Variants in CACNB4 observed in about 807,000 individuals in gnomAD.
CACNB4 encodes calcium voltage-gated channel auxiliary subunit beta 4.
In CACNB4, 32 loss-of-function variants were observed where a neutral mutation model predicts 71.2. The ratio of observed to expected loss-of-function variants is 0.45; its 90% CI spans 0.34 to 0.60. The LOEUF (loss-of-function observed/expected upper bound fraction) is 0.60. Among genes scored for constraint, CACNB4 ranks in the 20% least tolerant of loss-of-function variants. CACNB4 has a pLI of 0.01. For synonymous variants in CACNB4, 231 were observed against 236.9 expected, an observed-to-expected ratio of 0.97 and a Z score of 0.23; for missense variants, 464 against 647.9, an observed-to-expected ratio of 0.72 and a Z score of 3.08.
chr2:151,923,935 T>C lies in CACNB4; in HGVS notation c.148-40565A>G, dbSNP rs376818624. 2.6e-5 allele frequency among the ~76,000 whole-genome samples: 4 copies of C among 152,164 alleles called. No homozygotes were observed. The East Asian group carries it at 5.8e-4, about 22-fold the overall frequency. On this transcript the variant is annotated intron_variant, in intron 2 of 13. Transcript: ENST00000539935. Reference sequence around the variant, plus strand: ...AGTATAATTCGGTAATTTCTAGTAATTCTCCATGAGTTTCCATCTCATCTC... The same window carrying C: ...AGTATAATTCGGTAATTTCTAGTAACTCTCCATGAGTTTCCATCTCATCTC...
At chr2:151,880,670 G>A in intron 4 of CACNB4, 130 bp downstream of exon 4, 1 of 878,470 alleles carries the variant, frequency 1.1e-6, no homozygotes, top group Non-Finnish European at 1.8e-6. Context: ...AGATTTGGGA[G>A]GCTCAGCAAA....
chr2:152,062,019 T>TAATAATAATAAG (rs1360696165), intron 2 of CACNB4, among the ~76,000 whole-genome samples: 1 of 128,080 alleles, frequency 7.8e-6, no homozygotes, highest in Non-Finnish European at 1.6e-5. Context: ...CTCAAAATAA[T>TAATAATAATAAG]AATAATAATA....
chr2:152,018,590 C>T (rs1263797820), intron 2 of CACNB4, among the ~76,000 whole-genome samples: 1 of 151,984 alleles, frequency 6.6e-6, no homozygotes, highest in Non-Finnish European at 1.5e-5. Context: ...GTTACTTGAG[C>T]CCAAGAGTTC....
intron 2 of CACNB4, among the ~76,000 whole-genome samples, chr2:152,070,046 T>A (rs1686595433): frequency 6.6e-6 from 1 of 152,034 alleles, no homozygotes. Flanking sequence ...GGTTTCACCG[T>A]GTTAGCCAGG....
intron 3 of CACNB4, 88 bp downstream of exon 3, chr2:151,883,163 A>C: frequency 7.5e-7 from 1 of 1,337,558 alleles, no homozygotes; most frequent in Non-Finnish European, 1.1e-6. Context: ...CAAAATGATT[A>C]TTCCAGAAAT....
At chr2:151,993,863 G>A (rs960161149) in intron 2 of CACNB4, among the ~76,000 whole-genome samples, 10 of 146,346 alleles carry the variant, frequency 6.8e-5, no homozygotes, top group Non-Finnish European at 1.4e-4. Flanking sequence ...GTGCCCAGCC[G>A]GGGACCACTT....
chr2:152,012,531 G>A (rs1683117347), intron 2 of CACNB4, among the ~76,000 whole-genome samples: 1 of 151,654 alleles, frequency 6.6e-6, no homozygotes, highest in Non-Finnish European at 1.5e-5. Flanking sequence ...TTGAACCCGG[G>A]AGGCGGAGGT....
At chr2:152,079,690 G>A (rs1687246142) in intron 2 of CACNB4, among the ~76,000 whole-genome samples, 1 of 152,164 alleles carries the variant, frequency 6.6e-6, no homozygotes, top group Non-Finnish European at 1.5e-5. Context: ...GGAAACCAAA[G>A]TGGAAGGATC....
intron 3 of CACNB4, among the ~76,000 whole-genome samples, chr2:151,882,373 A>G (rs763987484): frequency 1.3e-5 from 2 of 151,852 alleles, no homozygotes; most frequent in Non-Finnish European, 2.9e-5. Context: ...TAAATATTTT[A>G]CAATAAAAAT....
chr2:152,056,907 C>G (rs1330032998), intron 2 of CACNB4, among the ~76,000 whole-genome samples: 1 of 152,022 alleles, frequency 6.6e-6, no homozygotes, highest in African/African-American at 2.4e-5. Flanking sequence ...CAAACATAGA[C>G]CTCAACTCCT....
At chr2:151,889,621 C>G (rs978942377) in intron 2 of CACNB4, among the ~76,000 whole-genome samples, 1 of 152,068 alleles carries the variant, frequency 6.6e-6, no homozygotes, top group African/African-American at 2.4e-5. Context: ...GGAACACAGC[C>G]CATTCTTGGT....
At chr2:152,058,092 C>T (rs1685816314) in intron 2 of CACNB4, among the ~76,000 whole-genome samples, 1 of 152,176 alleles carries the variant, frequency 6.6e-6, no homozygotes, top group South Asian at 2.1e-4. Flanking sequence ...CTCCTGCCAC[C>T]ATGTAAAAAA....
At chr2:152,022,801 C>T (rs4664073) in intron 2 of CACNB4, among the ~76,000 whole-genome samples, 36,410 of 152,056 alleles carry the variant, frequency 0.24, 4,600 homozygotes, top group Middle Eastern at 0.38. Context: ...AATGTTGTTG[C>T]CACAACTCTC....
At chr2:151,841,619 A>G in intron 13 of CACNB4, 1 of 341,170 alleles carries the variant, frequency 2.9e-6, no homozygotes, top group Non-Finnish European at 5.4e-6. Context: ...TGCATTGAGT[A>G]GGCATTACGT....
rs765745587 is a variant in CACNB4, at chr2:152,073,412, T to C, written c.147+24918A>G. Among the ~76,000 whole-genome samples, 18 of 152,282 alleles carry C rather than the reference T, an allele frequency of 1.2e-4. No homozygotes were observed. The Middle Eastern group carries it at 0.01, about 86-fold the overall frequency. On this transcript the variant is annotated intron_variant, in intron 2 of 13. Transcript: ENST00000539935. ...ATCCTCCTCTTTGAAGTGAATGCTTTAGCTCAATGCCATTCGCCTGTGTAG... is the reference window on the plus strand; with the variant it reads ...ATCCTCCTCTTTGAAGTGAATGCTTCAGCTCAATGCCATTCGCCTGTGTAG...
intron 2 of CACNB4, among the ~76,000 whole-genome samples, chr2:152,011,868 A>G (rs73013248): frequency 0.047 from 7,200 of 152,276 alleles, 564 homozygotes; most frequent in African/African-American, 0.17. Context: ...AAGAATTCCT[A>G]TCACCTAGTG....
intron 2 of CACNB4, among the ~76,000 whole-genome samples, chr2:152,080,643 C>G (rs140338208): frequency 3.0e-4 from 46 of 152,220 alleles, no homozygotes; most frequent in African/African-American, 1.1e-3. Context: ...TGTACTCTGT[C>G]TCATCTGTAT....
chr2:151,977,851 C>T (rs536916774), intron 2 of CACNB4, among the ~76,000 whole-genome samples: 44 of 152,330 alleles, frequency 2.9e-4, no homozygotes, highest in Admixed American at 9.8e-4. Flanking sequence ...GTTGGCTCCA[C>T]GGGCTAGAAC....
At chr2:152,071,956 A>G (rs181329871) in intron 2 of CACNB4, among the ~76,000 whole-genome samples, 3 of 152,352 alleles carry the variant, frequency 2.0e-5, no homozygotes, top group Admixed American at 6.5e-5. Flanking sequence ...TCATTCATCC[A>G]TTCATTCATT....
Sources: allele counts gnomAD v4.1 joint callset (sites outside exome capture counted in the v4.1 genomes callset), GRCh38; gene constraint gnomAD v4.1.1; transcripts MANE v1.5; gene names NCBI Gene and HGNC (gene_info 2026-07-23, HGNC 2026-07-21).